Variants in STARD13 observed in about 807,000 individuals in gnomAD.
The protein encoded by STARD13 is StAR related lipid transfer domain containing 13.
In STARD13, 62 loss-of-function variants were observed where a neutral mutation model predicts 106.4. The ratio of observed to expected loss-of-function variants is 0.58; its 90% CI spans 0.48 to 0.72. STARD13 has a LOEUF of 0.72. Among genes scored for constraint, STARD13 ranks in the 30% least tolerant of loss-of-function variants. The pLI, the probability that STARD13 is intolerant of heterozygous loss-of-function variation, is 0.00. For missense variants in STARD13, 1,387 were observed against 1,424.0 expected (o/e 0.97, Z 0.42); for synonymous variants, 565 against 553.0 (o/e 1.02, Z -0.31).
chr13:33,646,153 G>T, the STARD13 span, among the ~76,000 whole-genome samples: 1 of 152,176 alleles, frequency 6.6e-6, no homozygotes, highest in African/African-American at 2.4e-5. Flanking sequence ...TGTCCCAGGT[G>T]CATGCTTTTG....
At chr13:33,324,210 A>G (rs1275727163) in intron 1 of STARD13, among the ~76,000 whole-genome samples, 1 of 152,226 alleles carries the variant, frequency 6.6e-6, no homozygotes, top group East Asian at 1.9e-4. Context: ...AAGCAAATCC[A>G]TATTTGTTTT....
At chr13:33,602,651 G>C in the STARD13 span, among the ~76,000 whole-genome samples, 28 of 152,280 alleles carry the variant, frequency 1.8e-4, no homozygotes, top group South Asian at 4.4e-3. Flanking sequence ...GCCATGGACC[G>C]GTCTGTGGCC....
chr13:33,353,110 C>T (rs1257285679), upstream of STARD13, among the ~76,000 whole-genome samples: 2 of 152,234 alleles, frequency 1.3e-5, no homozygotes, highest in African/African-American at 2.4e-5. Flanking sequence ...TTTCCTCTCC[C>T]TCACATACCC....
chr13:33,653,385 T>C, the STARD13 span, among the ~76,000 whole-genome samples: 2 of 152,148 alleles, frequency 1.3e-5, no homozygotes, highest in South Asian at 2.1e-4. Flanking sequence ...ACCTCTGTGG[T>C]CAATTGATTT....
the STARD13 span, among the ~76,000 whole-genome samples, chr13:33,545,903 C>G: frequency 2.6e-5 from 4 of 152,212 alleles, no homozygotes; most frequent in African/African-American, 9.7e-5. Flanking sequence ...GCCAAGTAAA[C>G]CTCTTTTCTT....
the STARD13 span, among the ~76,000 whole-genome samples, chr13:33,484,543 A>C: frequency 1.3e-5 from 2 of 152,058 alleles, no homozygotes; most frequent in Non-Finnish European, 2.9e-5. Flanking sequence ...ATCATTTTCC[A>C]CACCCAATTA....
At chr13:33,434,325 C>T in the STARD13 span, among the ~76,000 whole-genome samples, 3 of 126,062 alleles carry the variant, frequency 2.4e-5, no homozygotes, top group East Asian at 7.4e-4. Flanking sequence ...TGCACTCCAG[C>T]CTGGATGATA....
At chr13:33,635,704 T>A in the STARD13 span, among the ~76,000 whole-genome samples, 1 of 150,632 alleles carries the variant, frequency 6.6e-6, no homozygotes, top group Non-Finnish European at 1.5e-5. Context: ...TAGCACAGGC[T>A]GGGCGCAGTG....
chr13:33,143,494 A>G (rs1880116809), intron 3 of STARD13, among the ~76,000 whole-genome samples: 2 of 152,180 alleles, frequency 1.3e-5, no homozygotes, highest in Admixed American at 6.5e-5. Context: ...AAGACACACA[A>G]TTGGGTTACC....
chr13:33,454,471 C>G, the STARD13 span, among the ~76,000 whole-genome samples: 1 of 152,200 alleles, frequency 6.6e-6, no homozygotes, highest in Non-Finnish European at 1.5e-5. Flanking sequence ...TATTCATCCA[C>G]TATTTTAGTT....
intron 1 of STARD13, among the ~76,000 whole-genome samples, chr13:33,249,720 C>T (rs1228172900): frequency 6.6e-6 from 1 of 152,158 alleles, no homozygotes; most frequent in South Asian, 2.1e-4. Flanking sequence ...ATCCTTTCCA[C>T]TTCCTCAAAC....
intron 1 of STARD13, among the ~76,000 whole-genome samples, chr13:33,205,339 G>T (rs1402611657): frequency 6.6e-6 from 1 of 152,204 alleles, no homozygotes; most frequent in Non-Finnish European, 1.5e-5. Context: ...TGGAAGGCTC[G>T]TAGGAAGTCC....
At chr13:33,161,902 C>T (rs1882674894) in intron 3 of STARD13, among the ~76,000 whole-genome samples, 2 of 152,174 alleles carry the variant, frequency 1.3e-5, no homozygotes, top group East Asian at 1.9e-4. Context: ...AGCGGAAACC[C>T]CTGATAAAAC....
the STARD13 span, among the ~76,000 whole-genome samples, chr13:33,573,627 C>T: frequency 6.6e-6 from 1 of 152,100 alleles, no homozygotes; most frequent in Admixed American, 6.6e-5. Context: ...TATTAAGGTT[C>T]TGTTGGTACA....
upstream of STARD13, chr13:33,350,640 G>A (rs897916743): frequency 2.2e-6 from 3 of 1,334,574 alleles, no homozygotes; most frequent in Non-Finnish European, 2.9e-6. Flanking sequence ...TAACCTCTGC[G>A]CTCGCCAACT....
chr13:33,651,186 T>C, the STARD13 span, among the ~76,000 whole-genome samples: 1 of 152,234 alleles, frequency 6.6e-6, no homozygotes, highest in Non-Finnish European at 1.5e-5. Context: ...ATATTTTAGA[T>C]CTGAGATCTG....
At chr13:33,136,850 G>A (rs1879126461) in intron 4 of STARD13, among the ~76,000 whole-genome samples, 1 of 152,228 alleles carries the variant, frequency 6.6e-6, no homozygotes, top group African/African-American at 2.4e-5. Context: ...TGAACAGTGG[G>A]GTCGAAAGGG....
chr13:33,541,394 T>A, the STARD13 span, among the ~76,000 whole-genome samples: 2 of 152,316 alleles, frequency 1.3e-5, no homozygotes, highest in African/African-American at 4.8e-5. Context: ...CCTTTGGATA[T>A]CCTGCCTCCT....
the STARD13 span, among the ~76,000 whole-genome samples, chr13:33,368,287 C>T: frequency 6.6e-6 from 1 of 152,174 alleles, no homozygotes; most frequent in Non-Finnish European, 1.5e-5. Flanking sequence ...TCCTGAGAAT[C>T]GTAGATAGAT....
Sources: gnomAD v4.1 joint callset for allele counts (sites outside exome capture counted in the v4.1 genomes callset) on GRCh38, gnomAD v4.1.1 for gene constraint, MANE v1.5 for transcripts, NCBI Gene and HGNC (gene_info 2026-07-23, HGNC 2026-07-21) for gene names.